SLC7A11: variants seen among roughly 807,000 people sequenced by gnomAD.
The protein encoded by SLC7A11 is solute carrier family 7 member 11, also known as cystine/glutamate transporter.
Under a neutral mutation model 54.5 loss-of-function variants are expected in SLC7A11, and 35 were observed. That is an observed-to-expected ratio of 0.64 (90% CI 0.49 to 0.85). The LOEUF (loss-of-function observed/expected upper bound fraction) is 0.85. Ranked by LOEUF, SLC7A11 falls within the 40% of genes least tolerant of loss-of-function variation. The pLI, the probability that SLC7A11 is intolerant of heterozygous loss-of-function variation, is 0.00. For missense variants in SLC7A11, 583 were observed against 618.1 expected, an observed-to-expected ratio of 0.94 and a Z score of 0.60; for synonymous variants, 230 against 225.2, an observed-to-expected ratio of 1.02 and a Z score of -0.19.
intron 6 of SLC7A11, among the ~76,000 whole-genome samples, chr4:138,199,352 A>G (rs1263860801): frequency 6.6e-6 from 1 of 152,136 alleles, no homozygotes; most frequent in Non-Finnish European, 1.5e-5. Flanking sequence ...AATGCTATAT[A>G]CTGTTACTGA....
At chr4:138,189,978 AT>A (rs1469584388) in intron 6 of SLC7A11, among the ~76,000 whole-genome samples, 1 of 152,158 alleles carries the variant, frequency 6.6e-6, no homozygotes, top group Non-Finnish European at 1.5e-5. Context: ...TTTCAAGATT[AT>A]TTTATAACAT....
chr4:138,242,314 G>A lies in SLC7A11; in HGVS notation c.-245C>T. On this transcript the variant is annotated 5_prime_UTR_variant, in exon 1 of 12. The change creates a premature stop within an existing upstream ORF in the 5' untranslated region. Coordinates refer to ENST00000280612, the MANE Select transcript of SLC7A11 (RefSeq NM_014331.4). ...TCCACCTCCTCGTTCCACCACTGCTGCTGCTGCTGCTGCTGCCGCCCTATC... is the reference window on the plus strand; with the variant it reads ...TCCACCTCCTCGTTCCACCACTGCTACTGCTGCTGCTGCTGCCGCCCTATC... 1 of 521,128 alleles carries A rather than the reference G, an allele frequency of 1.9e-6. No individual in the cohort carries two copies. The highest frequency in any genetic ancestry group is 3.5e-6 in the Non-Finnish European group (1 of 289,612). 32.3% of individuals were successfully genotyped at this position (521,128 alleles called of 1,614,324 possible). A position where few individuals can be genotyped will look rare whatever the true frequency, so the allele number is the denominator to read the frequency against.
intron 1 of SLC7A11, among the ~76,000 whole-genome samples, chr4:138,237,728 TA>T (rs1738261270): frequency 1.3e-3 from 15 of 11,484 alleles, no homozygotes; most frequent in Non-Finnish European, 2.1e-3. Context: ...TATATATATA[TA>T]TATATATATT....
intron 5 of SLC7A11, among the ~76,000 whole-genome samples, chr4:138,215,406 C>G (rs1382377808): frequency 6.6e-6 from 1 of 152,080 alleles, no homozygotes; most frequent in Non-Finnish European, 1.5e-5. Flanking sequence ...CTTTAAGTAT[C>G]TCACCAGCTA....
chr4:138,210,291 CAAG>C (rs1001997616), intron 6 of SLC7A11, among the ~76,000 whole-genome samples: 13 of 151,804 alleles, frequency 8.6e-5, no homozygotes, highest in African/African-American at 3.1e-4. Context: ...TCTAAAAACC[CAAG>C]AAGAAAACCT....
intron 6 of SLC7A11, among the ~76,000 whole-genome samples, chr4:138,198,199 A>C (rs1737187092): frequency 6.6e-6 from 1 of 151,896 alleles, no homozygotes. Context: ...GGGATGTAAA[A>C]ATTTGCAGAT....
intron 1 of SLC7A11, among the ~76,000 whole-genome samples, chr4:138,240,041 C>G (rs1359766710): frequency 6.6e-6 from 1 of 151,980 alleles, no homozygotes; most frequent in Non-Finnish European, 1.5e-5. Context: ...TTAATAGTGG[C>G]TAAGGGTACT....
At chr4:138,216,154 A>G (rs980902458) in intron 5 of SLC7A11, among the ~76,000 whole-genome samples, 5 of 152,176 alleles carry the variant, frequency 3.3e-5, no homozygotes, top group African/African-American at 1.2e-4. Flanking sequence ...CATAAGATCT[A>G]TTGTTCCAGC....
At chr4:138,192,141 A>G (rs1471371295) in intron 6 of SLC7A11, among the ~76,000 whole-genome samples, 4 of 152,192 alleles carry the variant, frequency 2.6e-5, no homozygotes, top group African/African-American at 9.6e-5. Context: ...TACAGCTCAG[A>G]CAACCAACTA....
intron 3 of SLC7A11, among the ~76,000 whole-genome samples, chr4:138,231,516 G>A (rs149937096): frequency 1.3e-5 from 2 of 152,192 alleles, no homozygotes; most frequent in East Asian, 3.9e-4. Flanking sequence ...TCGGTTAAAT[G>A]TGATCATATT....
intron 6 of SLC7A11, among the ~76,000 whole-genome samples, chr4:138,208,716 T>A (rs893872063): frequency 2.6e-5 from 4 of 152,060 alleles, no homozygotes; most frequent in South Asian, 2.1e-4. Context: ...GACATTCATG[T>A]CCCTCAAAAT....
intron 4 of SLC7A11, among the ~76,000 whole-genome samples, chr4:138,220,021 C>G (rs1737772952): frequency 6.7e-6 from 1 of 149,196 alleles, no homozygotes; most frequent in South Asian, 2.1e-4. Flanking sequence ...CTCACTGCAA[C>G]CTCCGCCTCC....
Position 138,236,470 on chromosome 4 carries a change from A to G in SLC7A11, c.278-19T>C. 1 of 1,596,876 alleles carries G rather than the reference A, an allele frequency of 6.3e-7. No homozygotes were observed. Among genetic ancestry groups the G allele is most frequent in the Non-Finnish European group, 8.5e-7 (1 of 1,173,406 alleles). On this transcript the variant is annotated intron_variant, in intron 1 of 11. Transcript: ENST00000280612. Reference sequence around the variant, plus strand: ...AAAGCTCCTGTGAAATATTTGTCACAAAATGGTACCAATTTAATACATTTT... The same window carrying G: ...AAAGCTCCTGTGAAATATTTGTCACGAAATGGTACCAATTTAATACATTTT...
chr4:138,198,180 AATGATCTAGGG>A (rs1405698467), intron 6 of SLC7A11, among the ~76,000 whole-genome samples: 1 of 151,780 alleles, frequency 6.6e-6, no homozygotes, highest in Non-Finnish European at 1.5e-5. Context: ...GTGAGATGAA[AATGATCTAGGG>A]ATGTAAAAAT....
chr4:138,206,241 T>TCTCTCC (rs1242305657), intron 6 of SLC7A11, among the ~76,000 whole-genome samples: 1 of 151,578 alleles, frequency 6.6e-6, no homozygotes, highest in Non-Finnish European at 1.5e-5. Flanking sequence ...TCTGTCTCTC[T>TCTCTCC]CTCTCCCTCT....
intron 6 of SLC7A11, among the ~76,000 whole-genome samples, chr4:138,187,685 A>T (rs1736911178): frequency 6.6e-6 from 1 of 152,148 alleles, no homozygotes; most frequent in Non-Finnish European, 1.5e-5. Flanking sequence ...CTACAGTTTT[A>T]TCTATCATAA....
chr4:138,185,274 T>G, intron 6 of SLC7A11, 30 bp from the exon 7 acceptor site: 1 of 1,608,324 alleles, frequency 6.2e-7, no homozygotes, highest in Admixed American at 1.7e-5. Flanking sequence ...CACTTATTCA[T>G]TATCTTTTGT....
intron 11 of SLC7A11, chr4:138,175,596 T>C (rs1351579392): frequency 3.3e-5 from 5 of 152,158 alleles, no homozygotes; most frequent in African/African-American, 1.2e-4. Flanking sequence ...CTGTCACAGA[T>C]GGCAGAAAAA....
Position 138,170,269 on chromosome 4 carries a change from T to TACAC in SLC7A11, c.*1686_*1687insGTGT, listed in dbSNP as rs1349979159. 0.011 allele frequency: 911 copies of TACAC among 81,248 alleles called. 13 individuals carry two copies. Among genetic ancestry groups the TACAC allele is most frequent in the African/African-American group, 0.034 (797 of 23,596 alleles). 5.0% of individuals were successfully genotyped at this position (81,248 alleles called of 1,614,324 possible). ...GTGTGTGTATATATATATATATATA[T>TACAC]ATACACACACACACACACACACACA... On this transcript the variant is annotated 3_prime_UTR_variant, in exon 12 of 12. Transcript: ENST00000280612.
Sources: gnomAD v4.1 joint callset for allele counts (sites outside exome capture counted in the v4.1 genomes callset) on GRCh38, gnomAD v4.1.1 for gene constraint, MANE v1.5 for transcripts, NCBI Gene and HGNC (gene_info 2026-07-23, HGNC 2026-07-21) for gene names.